DENND4C: variants seen among roughly 807,000 people sequenced by gnomAD.
DENND4C encodes DENN domain-containing protein 4C.
In DENND4C, 108 loss-of-function variants were observed where a neutral mutation model predicts 203.0. The ratio of observed to expected loss-of-function variants is 0.53; its 90% CI spans 0.46 to 0.62. The LOEUF is 0.62. Among genes scored for constraint, DENND4C ranks in the 20% least tolerant of loss-of-function variants. The pLI is 0.00. For synonymous variants in DENND4C, 871 were observed against 792.4 expected (o/e 1.10, Z -1.67); for missense variants, 2,481 against 2,301.2 (o/e 1.08, Z -1.60).
Position 19,369,880 on chromosome 9 carries a change from A to C in DENND4C, c.5568A>C (p.Glu1856Asp). The change falls in exon 31 of 33, where the codon GAA becomes GAC. Residue 1856 changes from glutamate to aspartate, a missense_variant. Glu to Asp is a conservative substitution (Grantham distance 45). This residue lies in a region of DENND4C where 2,289 missense variants were observed against 2,113.3 expected (regional missense o/e 1.08). Transcript: ENST00000434457. ...CTCTCCTGTCAGAGGAACAACAAGA[A>C]ACAAGCACTTTAGTAGAAACCATCA... ...KSSLLSEEQQ[E>D]TSTLVETIRQ... is the part of the protein sequence containing the mutation. 6.2e-7 allele frequency: 1 copy of C among 1,612,668 alleles called. No individual in the cohort carries two copies.
chr9:19,285,090 T>C (rs1475093615), intron 2 of DENND4C, among the ~76,000 whole-genome samples: 2 of 152,166 alleles, frequency 1.3e-5, no homozygotes, highest in Non-Finnish European at 1.5e-5. Context: ...ATAATATTTT[T>C]TTCCAAATAA....
chr9:19,234,056 G>A (rs886473683), intron 1 of DENND4C, among the ~76,000 whole-genome samples: 4 of 152,032 alleles, frequency 2.6e-5, no homozygotes, highest in Admixed American at 2.6e-4. Context: ...GTATAATTCC[G>A]TGATTAATGT....
At chr9:19,327,875 T>G (rs1818155115) in intron 15 of DENND4C, among the ~76,000 whole-genome samples, 155 bp from the exon 16 acceptor site, 1 of 152,178 alleles carries the variant, frequency 6.6e-6, no homozygotes, top group Non-Finnish European at 1.5e-5. Context: ...GTATGTTATA[T>G]CATTTAAAAA....
At position 19,276,440 on chromosome 9, in the gene DENND4C, A is replaced by T. The variant is rs990179581; in HGVS notation, c.266A>T (p.Tyr89Phe). ...SLKSPELFLC[Y>F]KRGRDKPPLT... ...AAAAGCCCAGAACTTTTCCTCTGTT[A>T]TAAGAGAGGGAGAGATAAACCACCG... The change falls in exon 2 of 33, where the codon TAT (tyrosine) becomes TTT (phenylalanine). Residue 89 changes from tyrosine (Y) to phenylalanine (F), a missense_variant. Tyr to Phe is a conservative substitution (Grantham distance 22). Transcript: ENST00000434457. The T allele has an allele frequency of 8.1e-7, 1 of 1,232,134 alleles. No individual in the cohort carries two copies. Among genetic ancestry groups the T allele is most frequent in the African/African-American group, 1.5e-5 (1 of 64,536 alleles). 76.3% of individuals were successfully genotyped at this position (1,232,134 alleles called of 1,614,324 possible).
chr9:19,307,706 G>A (rs576330480), intron 10 of DENND4C, among the ~76,000 whole-genome samples: 1 of 149,284 alleles, frequency 6.7e-6, no homozygotes, highest in African/African-American at 2.5e-5. Flanking sequence ...GGAGGTGGAG[G>A]TTGCAGTGAG....
At chr9:19,262,834 G>T (rs1465017867) in intron 1 of DENND4C, among the ~76,000 whole-genome samples, 1 of 152,152 alleles carries the variant, frequency 6.6e-6, no homozygotes. Context: ...CTCCCAAAGT[G>T]CTGGGATTAC....
At chr9:19,256,545 C>T (rs1010675327) in intron 1 of DENND4C, among the ~76,000 whole-genome samples, 3 of 151,632 alleles carry the variant, frequency 2.0e-5, no homozygotes, top group Non-Finnish European at 4.4e-5. Context: ...GAGCTCCCAA[C>T]CTCAGGTGAT....
rs1319010922 is a variant in DENND4C at position 19,346,310 on chromosome 9, C to G, written c.3541C>G (p.Leu1181Val). The change falls in exon 23 of 33, where the codon CTT becomes GTT. Residue 1181 changes from leucine to valine, a missense_variant. Around this residue, in one of 3 missense-constraint regions of DENND4C, gnomAD observed 2,289 missense variants for 2,113.3 expected, o/e 1.08. Transcript: ENST00000434457. ...EHRSSPVPEM[L>V]EESQELLEPV... ...CAGATCATCTCCGGTGCCAGAGATG[C>G]TTGAGGAAAGCCAAGAACTCCTTGA... 4 of 1,614,146 alleles carry G rather than the reference C, an allele frequency of 2.5e-6. No individual in the cohort carries two copies. Among genetic ancestry groups the G allele is most frequent in the African/African-American group, 1.3e-5 (1 of 75,044 alleles).
At position 19,285,380 on chromosome 9, in the gene DENND4C, G is replaced by A. The variant is rs139009033; in HGVS notation, c.306-1389G>A. The stretch of plus-strand genomic sequence containing the variant: ...GGTTTTTAGTATTGTTTACAGTGTT[G>A]TGCAGCTACCACCACAATTAATTTT... On this transcript the variant is annotated intron_variant, in intron 2 of 32. Coordinates refer to ENST00000434457, the MANE Select transcript of DENND4C (RefSeq NM_001330640.2). 8.0e-3 allele frequency among the ~76,000 whole-genome samples: 1,211 copies of A among 152,146 alleles called. 20 individuals carry two copies. The highest frequency in any genetic ancestry group is 0.028 in the African/African-American group (1,173 of 41,508).
At chr9:19,350,376 T>C (rs1352669233) in intron 23 of DENND4C, among the ~76,000 whole-genome samples, 1 of 152,218 alleles carries the variant, frequency 6.6e-6, no homozygotes, top group African/African-American at 2.4e-5. Context: ...CCTACTCTAC[T>C]TGTACTGGGA....
In DENND4C at chr9:19,266,801, C is replaced by G. The variant is rs187641825; in HGVS notation, c.-17-9357C>G. Among the ~76,000 whole-genome samples, 12 of 152,288 alleles carry G rather than the reference C, an allele frequency of 7.9e-5. No individual in the cohort carries two copies. The East Asian group carries it at 1.7e-3, about 22-fold the overall frequency. ...GTAGAGGGCTGAAACTGGATCCCTT[C>G]CTTACACCTTATACAAAAATTAATT... On this transcript the variant is annotated intron_variant, in intron 1 of 32. Coordinates refer to ENST00000434457, the MANE Select transcript of DENND4C (RefSeq NM_001330640.2).
chr9:19,326,941 A>C (rs531259906), intron 15 of DENND4C, among the ~76,000 whole-genome samples: 1 of 152,086 alleles, frequency 6.6e-6, no homozygotes, highest in Non-Finnish European at 1.5e-5. Context: ...ATTTGTTTGT[A>C]GTTCTTTGCT....
Position 19,357,083 on chromosome 9 carries a change from G to A in DENND4C, c.4893G>A (p.Leu1631=). 1 of 1,613,918 alleles carries A rather than the reference G, an allele frequency of 6.2e-7. No individual in the cohort carries two copies. Among genetic ancestry groups the A allele is most frequent in the South Asian group, 1.1e-5 (1 of 91,074 alleles). The change falls in exon 27 of 33, where the codon TTG becomes TTA. Residue 1631 remains leucine (L), a synonymous_variant. Transcript: ENST00000434457. The stretch of plus-strand genomic sequence containing the variant: ...TATCCAGTTTAGCAGAACCTGACTT[G>A]ATCAACTTTATGGACTTCCCAAAAC... The part of the protein sequence containing the change: ...KPVSSLAEPD[L]INFMDFPKHN...
intron 16 of DENND4C, among the ~76,000 whole-genome samples, chr9:19,328,781 G>T (rs1286205918): frequency 2.0e-5 from 3 of 152,064 alleles, no homozygotes; most frequent in African/African-American, 7.2e-5. Flanking sequence ...GGGCGCAGTG[G>T]CTCACCCCTG....
chr9:19,329,114 G>C (rs1818518839), intron 16 of DENND4C, among the ~76,000 whole-genome samples: 2 of 152,134 alleles, frequency 1.3e-5, no homozygotes. Flanking sequence ...GTATGATTTA[G>C]TGGCTTTTAG....
intron 12 of DENND4C, among the ~76,000 whole-genome samples, chr9:19,323,311 T>A (rs1843199929): frequency 6.6e-6 from 1 of 151,788 alleles, no homozygotes; most frequent in African/African-American, 2.4e-5. Flanking sequence ...GCACCTGTAA[T>A]CCCAGCTACT....
intron 1 of DENND4C, among the ~76,000 whole-genome samples, chr9:19,240,184 A>T (rs572334131): frequency 4.6e-5 from 7 of 152,322 alleles, no homozygotes; most frequent in Non-Finnish European, 1.0e-4. Flanking sequence ...TTGTGCAAGC[A>T]TCATATAGTG....
At chr9:19,335,833 C>G (rs964585850) in intron 18 of DENND4C, among the ~76,000 whole-genome samples, 4 of 152,098 alleles carry the variant, frequency 2.6e-5, no homozygotes, top group African/African-American at 9.7e-5. Context: ...GTACAGATCT[C>G]TCTTCAATAT....
rs1832907542 is a variant in DENND4C at position 19,276,403 on chromosome 9, T to A, written c.229T>A (p.Tyr77Asn). 2 of 1,231,994 alleles carry A rather than the reference T, an allele frequency of 1.6e-6. No individual in the cohort carries two copies. Among genetic ancestry groups the A allele is most frequent in the Non-Finnish European group, 2.0e-6 (2 of 987,940 alleles). The allele number at this position is 1,231,994 out of a possible 1,614,324, so 76.3% of individuals were successfully genotyped here. ...TPSALQANLN[Y>N]GSLKSPELFL... The stretch of plus-strand genomic sequence containing the variant: ...ATCAGCTCTCCAAGCAAACTTGAAC[T>A]ATGGAAGTCTGAAAAGCCCAGAACT... The change falls in exon 2 of 33, where the codon TAT (tyrosine) becomes AAT (asparagine). Residue 77 changes from tyrosine to asparagine, a missense_variant. Physicochemically the swap from Tyr to Asn is moderately radical, Grantham distance 143 (BLOSUM62 -2). This residue lies in a region of DENND4C where 187 missense variants were observed against 167.4 expected (regional missense o/e 1.12). Transcript: ENST00000434457.
Sources: allele counts gnomAD v4.1 joint callset (sites outside exome capture counted in the v4.1 genomes callset), GRCh38; gene constraint gnomAD v4.1.1; regional missense constraint gnomAD v4.1.1; transcripts MANE v1.5; gene names NCBI Gene and HGNC (gene_info 2026-07-23, HGNC 2026-07-21).